CDH12: variants seen among roughly 807,000 people sequenced by gnomAD.
CDH12 encodes cadherin-12.
A neutral mutation model predicts 74.1 loss-of-function variants in CDH12; 41 were observed. That is an observed-to-expected ratio of 0.55 (90% CI 0.43 to 0.72). The LOEUF (loss-of-function observed/expected upper bound fraction) is 0.72, where lower values mean the gene tolerates loss of function less well. Among genes scored for constraint, CDH12 ranks in the 30% least tolerant of loss-of-function variants. The pLI is 0.00. For synonymous variants in CDH12, 399 were observed against 355.0 expected, an observed-to-expected ratio of 1.12 and a Z score of -1.39; for missense variants, 945 against 977.2, an observed-to-expected ratio of 0.97 and a Z score of 0.44.
chr5:22,155,500 C>T (rs935516619), intron 4 of CDH12, among the ~76,000 whole-genome samples: 10 of 152,010 alleles, frequency 6.6e-5, no homozygotes, highest in Non-Finnish European at 1.5e-4. Flanking sequence ...AATCATGCTA[C>T]TACCTAATTA....
chr5:22,648,533 A>G (rs1382751698), intron 1 of CDH12, among the ~76,000 whole-genome samples: 1 of 151,784 alleles, frequency 6.6e-6, no homozygotes, highest in East Asian at 1.9e-4. Flanking sequence ...TTTCTAGGAG[A>G]TATCTAAGTT....
intron 8 of CDH12, among the ~76,000 whole-genome samples, chr5:21,819,482 G>C (rs1348460130): frequency 2.0e-5 from 3 of 151,926 alleles, no homozygotes; most frequent in Non-Finnish European, 4.4e-5. Flanking sequence ...TTTGCCTCTT[G>C]TTGTGTGACT....
chr5:21,918,937 C>G (rs1006842634), intron 6 of CDH12, among the ~76,000 whole-genome samples: 1 of 151,994 alleles, frequency 6.6e-6, no homozygotes, highest in Non-Finnish European at 1.5e-5. Context: ...TTCAGTTTTA[C>G]AAAGTCATAT....
chr5:22,398,072 G>C (rs1359713959), intron 3 of CDH12, among the ~76,000 whole-genome samples: 3 of 152,106 alleles, frequency 2.0e-5, no homozygotes, highest in Admixed American at 6.6e-5. Flanking sequence ...AACTTAACTT[G>C]TAGATAACCA....
At chr5:22,066,532 G>C (rs568859102) in intron 5 of CDH12, among the ~76,000 whole-genome samples, 1 of 152,124 alleles carries the variant, frequency 6.6e-6, no homozygotes, top group Admixed American at 6.6e-5. Context: ...CCATCTCAGT[G>C]GAGCCAGTGG....
intron 6 of CDH12, among the ~76,000 whole-genome samples, chr5:21,972,406 T>C (rs963560009): frequency 3.3e-5 from 5 of 152,174 alleles, no homozygotes; most frequent in African/African-American, 1.2e-4. Context: ...AAGTTCCATC[T>C]GGTCTTGATT....
intron 1 of CDH12, among the ~76,000 whole-genome samples, chr5:22,595,988 G>T (rs972510824): frequency 1.3e-5 from 2 of 151,186 alleles, no homozygotes; most frequent in Non-Finnish European, 1.5e-5. Flanking sequence ...GGCACCTGTA[G>T]TCCCAGCTAC....
At chr5:22,030,030 G>C (rs1008889592) in intron 5 of CDH12, among the ~76,000 whole-genome samples, 2 of 146,122 alleles carry the variant, frequency 1.4e-5, no homozygotes, top group Admixed American at 1.4e-4. Context: ...ACCAAACACC[G>C]CATGTTCTCA....
chr5:22,061,603 T>C (rs1346365617), intron 5 of CDH12, among the ~76,000 whole-genome samples: 2 of 152,136 alleles, frequency 1.3e-5, no homozygotes, highest in Non-Finnish European at 2.9e-5. Context: ...ACCATCCCAC[T>C]GGGGTTCATT....
chr5:22,072,600 T>C (rs1248459647), intron 5 of CDH12, among the ~76,000 whole-genome samples: 1 of 151,496 alleles, frequency 6.6e-6, no homozygotes, highest in Non-Finnish European at 1.5e-5. Context: ...ATACTTTAAG[T>C]TATAGGGTAC....
At position 22,547,333 on chromosome 5, in the gene CDH12, C is replaced by T. The variant is rs189894992; in HGVS notation, c.-522-41969G>A. Among the ~76,000 whole-genome samples the T allele has an allele frequency of 1.7e-3, 259 of 152,226 alleles. 2 individuals are homozygous for T. Among genetic ancestry groups the T allele is most frequent in the African/African-American group, 6.0e-3 (249 of 41,566 alleles). ...AATATTGAGAGACATGGGTAAGTAT[C>T]TCTCTCAAAAAGCCAGTAACACGCC... On this transcript the variant is annotated intron_variant, in intron 1 of 14. Transcript: ENST00000382254.
intron 1 of CDH12, among the ~76,000 whole-genome samples, chr5:22,626,993 G>T (rs1465799219): frequency 2.6e-5 from 4 of 152,142 alleles, no homozygotes; most frequent in Admixed American, 1.3e-4. Flanking sequence ...CCATGTAGAG[G>T]AAAGAATCTT....
In CDH12 at chr5:22,466,776, C is replaced by CTTTTTTTT. The variant is rs70959733; in HGVS notation, c.-428+38486_-428+38493dup. Among the ~76,000 whole-genome samples, 15 of 50,994 alleles carry CTTTTTTTT rather than the reference C, an allele frequency of 2.9e-4. 2 individuals carry two copies. Among genetic ancestry groups the CTTTTTTTT allele is most frequent in the Admixed American group, 6.8e-4 (2 of 2,962 alleles). The allele number at this position is 50,994 out of a possible 152,430, so 33.5% of individuals were successfully genotyped here. On this transcript the variant is annotated intron_variant, in intron 2 of 14. Coordinates refer to ENST00000382254, the MANE Select transcript of CDH12 (RefSeq NM_004061.5). Reference sequence around the variant, plus strand: ...AAATGAGGCATGGCTCCTCAGGAATCTTTTTTTTTTTTTTTTTTTTTTTTT... The same window carrying CTTTTTTTT: ...AAATGAGGCATGGCTCCTCAGGAATCTTTTTTTTTTTTTTTTTTTTTTTTTTTTTTTTT...
intron 1 of CDH12, among the ~76,000 whole-genome samples, chr5:22,621,688 C>G (rs1415301945): frequency 6.6e-6 from 1 of 151,970 alleles, no homozygotes; most frequent in Non-Finnish European, 1.5e-5. Context: ...ATAAATACTA[C>G]AGTTGTTGGA....
intron 3 of CDH12, among the ~76,000 whole-genome samples, chr5:22,299,867 T>C (rs958104698): frequency 2.6e-5 from 4 of 152,196 alleles, no homozygotes; most frequent in African/African-American, 9.6e-5. Context: ...GTAATATTTT[T>C]AGAAGTTCCT....
At chr5:22,080,366 GT>G (rs1742640504) in intron 4 of CDH12, among the ~76,000 whole-genome samples, 2 of 151,964 alleles carry the variant, frequency 1.3e-5, no homozygotes, top group Non-Finnish European at 2.9e-5. Context: ...GAGATGAGGA[GT>G]GTCCAAAAGT....
At chr5:21,861,474 G>A (rs1268029231) in intron 6 of CDH12, among the ~76,000 whole-genome samples, 9 of 151,984 alleles carry the variant, frequency 5.9e-5, no homozygotes, top group East Asian at 1.9e-4. Flanking sequence ...TTGTAATGAC[G>A]ATTTGATTTA....
chr5:22,644,313 C>T (rs1739320876), intron 1 of CDH12, among the ~76,000 whole-genome samples: 1 of 152,044 alleles, frequency 6.6e-6, no homozygotes, highest in Admixed American at 6.6e-5. Flanking sequence ...ATTTAAAATG[C>T]TACTCTAGTG....
chr5:22,811,181 G>T (rs1307903722), intron 1 of CDH12, among the ~76,000 whole-genome samples: 1 of 151,532 alleles, frequency 6.6e-6, no homozygotes, highest in Non-Finnish European at 1.5e-5. Context: ...ATATATATTT[G>T]GATGGACAGT....
Sources: allele counts gnomAD v4.1 joint callset (sites outside exome capture counted in the v4.1 genomes callset), GRCh38; gene constraint gnomAD v4.1.1; transcripts MANE v1.5; gene names NCBI Gene and HGNC (gene_info 2026-07-23, HGNC 2026-07-21).